MAN2A1: variants seen among roughly 807,000 people sequenced by gnomAD.
MAN2A1 encodes mannosidase alpha class 2A member 1.
In MAN2A1, 76 loss-of-function variants were observed where a neutral mutation model predicts 142.6. The observed-to-expected ratio is 0.53, with a 90% CI of 0.44 to 0.65. The LOEUF (loss-of-function observed/expected upper bound fraction) is 0.65. MAN2A1 is among the 30% of genes least tolerant of loss of function. MAN2A1 has a pLI of 0.00. For missense variants in MAN2A1, 1,311 were observed against 1,365.1 expected, an observed-to-expected ratio of 0.96 and a Z score of 0.62; for synonymous variants, 559 against 473.2, an observed-to-expected ratio of 1.18 and a Z score of -2.35.
intron 12 of MAN2A1, among the ~76,000 whole-genome samples, chr5:109,815,497 C>G (rs1754430061): frequency 6.6e-6 from 1 of 152,138 alleles, no homozygotes; most frequent in African/African-American, 2.4e-5. Context: ...GTCCTGTTAT[C>G]CTGATGCATA....
intron 9 of MAN2A1, among the ~76,000 whole-genome samples, chr5:109,783,284 TAA>T (rs1294846910): frequency 2.0e-5 from 3 of 152,172 alleles, no homozygotes; most frequent in East Asian, 1.9e-4. Flanking sequence ...TATTTATACA[TAA>T]GTTTGTCTGA....
At chr5:109,710,801 C>T (rs1372695168) in intron 1 of MAN2A1, among the ~76,000 whole-genome samples, 1 of 152,188 alleles carries the variant, frequency 6.6e-6, no homozygotes, top group Non-Finnish European at 1.5e-5. Context: ...AGTGGCTCTC[C>T]TGCCTCAGCC....
intron 1 of MAN2A1, among the ~76,000 whole-genome samples, chr5:109,695,217 T>A (rs1201323200): frequency 6.6e-6 from 1 of 152,158 alleles, no homozygotes; most frequent in Non-Finnish European, 1.5e-5. Context: ...TTATGTTTTG[T>A]TTTTTGTTTT....
chr5:109,846,519 C>G (rs192363149), intron 18 of MAN2A1, among the ~76,000 whole-genome samples: 1 of 152,016 alleles, frequency 6.6e-6, no homozygotes, highest in Non-Finnish European at 1.5e-5. Context: ...GAAAGTGATG[C>G]GCAGAAAGTG....
At chr5:109,765,769 A>G (rs1288935488) in intron 5 of MAN2A1, among the ~76,000 whole-genome samples, 2 of 152,042 alleles carry the variant, frequency 1.3e-5, no homozygotes, top group Admixed American at 1.3e-4. Flanking sequence ...GTTATAATGC[A>G]TTATTTATTT....
In MAN2A1 at chr5:109,867,106, G is replaced by C; in HGVS notation, c.*108G>C. On this transcript the variant is annotated 3_prime_UTR_variant, in exon 22 of 22. Transcript: ENST00000261483. Reference sequence around the variant, plus strand: ...TAGCTTCTGGCTACTGTGAGAACATGAATTCTGTGATTCTGTGGGTTTTTT... The same window carrying C: ...TAGCTTCTGGCTACTGTGAGAACATCAATTCTGTGATTCTGTGGGTTTTTT... 1.8e-6 allele frequency: 1 copy of C among 567,616 alleles called. No individual in the cohort carries two copies. Among genetic ancestry groups the C allele is most frequent in the Non-Finnish European group, 2.6e-6 (1 of 380,296 alleles). The allele number at this position is 567,616 out of a possible 1,614,324, so 35.2% of individuals were successfully genotyped here. A position where few individuals can be genotyped will look rare whatever the true frequency, so the allele number is the denominator to read the frequency against.
intron 18 of MAN2A1, among the ~76,000 whole-genome samples, chr5:109,846,491 T>A (rs1755347307): frequency 6.6e-6 from 1 of 152,150 alleles, no homozygotes; most frequent in South Asian, 2.1e-4. Context: ...GGTGTGGCTT[T>A]GAGGATTCCA....
In MAN2A1 at chr5:109,866,260, G is replaced by A. The variant is rs1035020861; in HGVS notation, c.3283-586G>A. Among the ~76,000 whole-genome samples, 7 of 151,268 alleles carry A rather than the reference G, an allele frequency of 4.6e-5. No individual in the cohort carries two copies. The South Asian group carries it at 8.4e-4, about 18-fold the overall frequency. ...GCCTTGAGTCATAAGGGGGTTATAC[G>A]ATCCAGAGAGACAGATAACATGGCA... On this transcript the variant is annotated intron_variant, in intron 21 of 21. Transcript: ENST00000261483.
At chr5:109,733,871 C>T (rs6868615) in intron 4 of MAN2A1, among the ~76,000 whole-genome samples, 15,608 of 152,080 alleles carry the variant, frequency 0.1, 1,107 homozygotes, top group African/African-American at 0.21. Context: ...ATGATGCTGG[C>T]CTCATAAAAT....
At chr5:109,820,076 G>T (rs1754583319) in intron 14 of MAN2A1, 144 bp from the exon 15 acceptor site, 1 of 795,764 alleles carries the variant, frequency 1.3e-6, no homozygotes, top group African/African-American at 1.7e-5. Flanking sequence ...TCTGTGGGTG[G>T]CGCTACTCCG....
Position 109,868,323 on chromosome 5 carries a change from G to C in MAN2A1, c.*1325G>C, listed in dbSNP as rs2241692. On this transcript the variant is annotated 3_prime_UTR_variant, in exon 22 of 22. Coordinates refer to ENST00000261483, the MANE Select transcript of MAN2A1 (RefSeq NM_002372.4). Reference sequence around the variant, plus strand: ...AACCTTAAAGTGAAGTTCTGAGCCCGTGTGCCATTACAGTGCTTTTAATAA... The same window carrying C: ...AACCTTAAAGTGAAGTTCTGAGCCCCTGTGCCATTACAGTGCTTTTAATAA... 5 of 152,050 alleles carry C rather than the reference G, an allele frequency of 3.3e-5. No individual in the cohort carries two copies. The allele number at this position is 152,050 out of a possible 1,614,324, so 9.4% of individuals were successfully genotyped here. A position where few individuals can be genotyped will look rare whatever the true frequency, so the allele number is the denominator to read the frequency against.
At position 109,866,821 on chromosome 5, in the gene MAN2A1, G is replaced by A. The variant is rs375559215; in HGVS notation, c.3283-25G>A. ...TAATCTTCAAAGTTGATCTAAATAT[G>A]TAAATTTTATCATTTACTTTTCAGA... On this transcript the variant is annotated intron_variant, in intron 21 of 21. Transcript: ENST00000261483. 4.6e-6 allele frequency: 7 copies of A among 1,511,316 alleles called. No individual in the cohort carries two copies. The African/African-American group carries it at 9.7e-5, about 21-fold the overall frequency. 93.6% of individuals were successfully genotyped at this position (1,511,316 alleles called of 1,614,324 possible). A position where few individuals can be genotyped will look rare whatever the true frequency, so the allele number is the denominator to read the frequency against.
At chr5:109,781,922 A>G (rs1168327199) in intron 9 of MAN2A1, among the ~76,000 whole-genome samples, 4 of 152,182 alleles carry the variant, frequency 2.6e-5, no homozygotes, top group African/African-American at 9.7e-5. Context: ...CAGTGACACC[A>G]TCATGAGTGT....
intron 1 of MAN2A1, among the ~76,000 whole-genome samples, chr5:109,707,961 T>C (rs1751182868): frequency 1.3e-5 from 2 of 152,056 alleles, no homozygotes; most frequent in South Asian, 4.1e-4. Flanking sequence ...ATGGGTCTGT[T>C]TTTCAGGGGT....
In MAN2A1 at chr5:109,776,019, A is replaced by C. The variant is rs574002698; in HGVS notation, c.1374+1054A>C. Among the ~76,000 whole-genome samples, 4 of 151,712 alleles carry C rather than the reference A, an allele frequency of 2.6e-5. 1 individual carries two copies. In the South Asian group the frequency reaches 8.3e-4, roughly 32 times the overall value. ...AATCAGGGTATTTAGGATATCTACC[A>C]CTTCAAACTTTTATCATTTGTTTGT... On this transcript the variant is annotated intron_variant, in intron 8 of 21. Coordinates refer to ENST00000261483, the MANE Select transcript of MAN2A1 (RefSeq NM_002372.4).
chr5:109,842,676 AT>A (rs35241108), intron 17 of MAN2A1, among the ~76,000 whole-genome samples: 56,147 of 151,792 alleles, frequency 0.37, 11,124 homozygotes, highest in African/African-American at 0.52. Flanking sequence ...TTTTGTAAGG[AT>A]TTATTTGTTC....
chr5:109,713,539 A>G lies in MAN2A1; in HGVS notation c.155A>G (p.Gln52Arg). The stretch of plus-strand genomic sequence containing the variant: ...TTGTAGGGCCAGCTCTCAATGTTGC[A>G]AGAAAAAATAGACCATTTGGAGCGT... ...SFPQGQLSML[Q>R]EKIDHLERLL... is the part of the protein sequence containing the mutation. The change falls in exon 2 of 22, where the codon CAA becomes CGA. Residue 52 changes from glutamine to arginine, a missense_variant. Coordinates refer to ENST00000261483, the MANE Select transcript of MAN2A1 (RefSeq NM_002372.4). 6.2e-7 allele frequency: 1 copy of G among 1,608,364 alleles called. No individual in the cohort carries two copies. Among genetic ancestry groups the G allele is most frequent in the Non-Finnish European group, 8.5e-7 (1 of 1,175,558 alleles).
Position 109,866,923 on chromosome 5 carries a change from TCCCGG to T in MAN2A1, c.3362_3366del (p.Pro1121HisfsTer6). 1 of 1,612,884 alleles carries T rather than the reference TCCCGG, an allele frequency of 6.2e-7. No homozygotes were observed. Among genetic ancestry groups the T allele is most frequent in the Non-Finnish European group, 8.5e-7 (1 of 1,179,156 alleles). On this transcript the variant is annotated frameshift_variant, in exon 22 of 22. Coordinates refer to ENST00000261483, the MANE Select transcript of MAN2A1 (RefSeq NM_002372.4). LOFTEE classifies it high-confidence loss of function. ...CATCACTATCCTTGATGCATTCACC[TCCCGG>T]CACTCAGAATATAAGTGAGATCAAC...
At chr5:109,844,449 A>G (rs74450018) in intron 17 of MAN2A1, among the ~76,000 whole-genome samples, 2,844 of 152,308 alleles carry the variant, frequency 0.019, 36 homozygotes, top group Middle Eastern at 0.071. Context: ...GGAAAGGAGA[A>G]ATAGAGAATT....
Sources: allele counts gnomAD v4.1 joint callset (sites outside exome capture counted in the v4.1 genomes callset), GRCh38; gene constraint gnomAD v4.1.1; transcripts MANE v1.5; gene names NCBI Gene and HGNC (gene_info 2026-07-23, HGNC 2026-07-21).